Variants in GSE1 observed in about 807,000 individuals in gnomAD.
The protein encoded by GSE1 is Gse1 coiled-coil protein.
Under a neutral mutation model 112.6 loss-of-function variants are expected in GSE1, and 32 were observed. The ratio of observed to expected loss-of-function variants is 0.28; its 90% CI spans 0.21 to 0.38. GSE1 has a LOEUF of 0.38. Ranked by LOEUF, GSE1 falls within the 10% of genes least tolerant of loss-of-function variation. GSE1 has a pLI of 1.00. For synonymous variants in GSE1, 1,115 were observed against 735.6 expected (o/e 1.52, Z -8.35); for missense variants, 2,348 against 1,699.2 (o/e 1.38, Z -6.71).
At chr16:85,407,186 A>G (rs1272801865) in intron 2 of GSE1, among the ~76,000 whole-genome samples, 4 of 1,844 alleles carry the variant, frequency 2.2e-3, no homozygotes, top group Non-Finnish European at 6.6e-3. Flanking sequence ...GATAATCCTC[A>G]CTGTTACTCT....
intron 1 of GSE1, among the ~76,000 whole-genome samples, chr16:85,559,795 C>A (rs2045423986): frequency 1.3e-5 from 2 of 152,192 alleles, no homozygotes; most frequent in Admixed American, 6.5e-5. Flanking sequence ...ATGGCCCGGC[C>A]CATTGTAAGT....
upstream of GSE1, among the ~76,000 whole-genome samples, chr16:85,609,017 C>T (rs138542158): frequency 3.5e-4 from 53 of 152,346 alleles, no homozygotes; most frequent in African/African-American, 1.1e-3. Context: ...ATCCATCCTC[C>T]GCCAGGGCTA....
chr16:85,214,871 A>G (rs1207786938), intron 1 of GSE1, among the ~76,000 whole-genome samples: 1 of 152,160 alleles, frequency 6.6e-6, no homozygotes, highest in Non-Finnish European at 1.5e-5. Flanking sequence ...GGAGAAGGGC[A>G]GGGCTGACTC....
In GSE1 at chr16:85,373,497, A is replaced by G. The variant is rs2047345355; in HGVS notation, c.2464+15854A>G. Among the ~76,000 whole-genome samples, 1 of 152,110 alleles carries G rather than the reference A, an allele frequency of 6.6e-6. No homozygotes were observed. The highest frequency in any genetic ancestry group is 2.4e-5 in the African/African-American group (1 of 41,430). On this transcript the variant is annotated intron_variant, in intron 2 of 2. Transcript: ENST00000637419. This position sits in a 1 kb window ranked among gnomAD's most constrained non-coding sequence, Gnocchi z 5.1. ...GCTCAGCCTGTCTCCCCATTTGTGA[A>G]GTAGGGATGCTGTGGCAGCTGCCTC...
At chr16:85,627,612 GT>G (rs938427424) in intron 1 of GSE1, among the ~76,000 whole-genome samples, 1 of 152,086 alleles carries the variant, frequency 6.6e-6, no homozygotes, top group African/African-American at 2.4e-5. Flanking sequence ...CCCCTGGCTC[GT>G]TTTCGCCTGC....
chr16:85,656,738 C>T (rs921381261), intron 7 of GSE1, 73 bp downstream of exon 7: 13 of 1,435,470 alleles, frequency 9.1e-6, no homozygotes, highest in African/African-American at 5.7e-5. Flanking sequence ...AATCGCAGCA[C>T]CTGCCGGTTG....
chr16:85,231,167 C>G (rs187595653), intron 1 of GSE1, among the ~76,000 whole-genome samples: 16 of 111,772 alleles, frequency 1.4e-4, no homozygotes, highest in Non-Finnish European at 2.2e-4. Context: ...GATAGAAGGA[C>G]AGATGGATGG....
intron 13 of GSE1, chr16:85,666,567 C>T (rs950861431): frequency 3.4e-6 from 2 of 583,316 alleles, no homozygotes; most frequent in Non-Finnish European, 6.1e-6. Context: ...TTTGTAGGCA[C>T]CAGCGCTGAC....
upstream of GSE1, chr16:85,611,434 T>G (rs970655711): frequency 1.0e-6 from 1 of 983,538 alleles, no homozygotes; most frequent in African/African-American, 1.8e-5. Flanking sequence ...AATTATAGCG[T>G]CCGGCCAAGG....
At chr16:85,386,658 G>A (rs1224472289) in intron 2 of GSE1, among the ~76,000 whole-genome samples, 4 of 152,200 alleles carry the variant, frequency 2.6e-5, no homozygotes, top group African/African-American at 4.8e-5. Context: ...TTTGTGACCC[G>A]AGTGTTCAGC....
chr16:85,423,950 G>T (rs1017196187), intron 2 of GSE1, among the ~76,000 whole-genome samples: 1 of 152,206 alleles, frequency 6.6e-6, no homozygotes, highest in Admixed American at 6.5e-5. Flanking sequence ...AAGGAGTGAC[G>T]TGAGGCCACT....
intron 1 of GSE1, among the ~76,000 whole-genome samples, chr16:85,206,925 G>A (rs961376035): frequency 6.6e-6 from 1 of 151,098 alleles, no homozygotes; most frequent in Admixed American, 6.6e-5. Flanking sequence ...GGGTGGGCCA[G>A]CGCCGGTGGC....
intron 1 of GSE1, among the ~76,000 whole-genome samples, chr16:85,328,888 C>T (rs1387029745): frequency 6.6e-6 from 1 of 152,204 alleles, no homozygotes; most frequent in Non-Finnish European, 1.5e-5. Context: ...CAGCTGCACC[C>T]CTGCCACCCC....
At chr16:85,670,117 T>G (rs1421636485) in intron 14 of GSE1, among the ~76,000 whole-genome samples, 1 of 152,272 alleles carries the variant, frequency 6.6e-6, no homozygotes, top group East Asian at 1.9e-4. Flanking sequence ...CGTGAAGTTT[T>G]GACTAGATTT....
intron 2 of GSE1, among the ~76,000 whole-genome samples, chr16:85,462,122 G>C (rs1052525818): frequency 6.6e-6 from 1 of 151,962 alleles, no homozygotes; most frequent in Admixed American, 6.5e-5. Context: ...GGGCACCGGA[G>C]CTACACACAC....
At chr16:85,462,184 C>T (rs1005723923) in intron 2 of GSE1, among the ~76,000 whole-genome samples, 1 of 152,140 alleles carries the variant, frequency 6.6e-6, no homozygotes, top group African/African-American at 2.4e-5. Context: ...CCAGAGCACA[C>T]GGTGTCAGGA....
At chr16:85,284,519 C>T (rs1362297107) in intron 1 of GSE1, among the ~76,000 whole-genome samples, 1 of 152,220 alleles carries the variant, frequency 6.6e-6, no homozygotes, top group Non-Finnish European at 1.5e-5. Context: ...TATTACAGCA[C>T]AAAGCCCTGG....
chr16:85,484,741 C>A (rs2151880143), intron 2 of GSE1, among the ~76,000 whole-genome samples: 2 of 152,372 alleles, frequency 1.3e-5, no homozygotes, highest in African/African-American at 4.8e-5. Flanking sequence ...GGCCCTGGCA[C>A]AGAGTCCCTC....
chr16:85,239,591 C>G (rs1427836822), intron 1 of GSE1, among the ~76,000 whole-genome samples: 1 of 152,212 alleles, frequency 6.6e-6, no homozygotes, highest in African/African-American at 2.4e-5. Flanking sequence ...CACCTTCCCA[C>G]CTAACCTGGG....
Sources: allele counts gnomAD v4.1 joint callset (sites outside exome capture counted in the v4.1 genomes callset), GRCh38; gene constraint gnomAD v4.1.1; non-coding constraint Gnocchi (gnomAD v3.1); transcripts MANE v1.5; gene names NCBI Gene and HGNC (gene_info 2026-07-23, HGNC 2026-07-21).